Variants in YWHAB observed in about 807,000 individuals in gnomAD.
YWHAB encodes the protein 14-3-3 protein beta/alpha.
In YWHAB, 2 loss-of-function variants were observed where a neutral mutation model predicts 28.5. The ratio of observed to expected loss-of-function variants is 0.07; its 90% CI spans 0.03 to 0.22. YWHAB has a LOEUF of 0.22. Among genes scored for constraint, YWHAB ranks in the 10% least tolerant of loss-of-function variants. The pLI, the probability that YWHAB is intolerant of heterozygous loss-of-function variation, is 1.00. For missense variants in YWHAB, 148 were observed against 297.1 expected, an observed-to-expected ratio of 0.50 and a Z score of 3.69; for synonymous variants, 103 against 104.7, an observed-to-expected ratio of 0.98 and a Z score of 0.10.
At chr20:44,892,670 CTTT>C (rs1303903697) in intron 1 of YWHAB, among the ~76,000 whole-genome samples, 1 of 152,070 alleles carries the variant, frequency 6.6e-6, no homozygotes, top group African/African-American at 2.4e-5. Flanking sequence ...GCTTATGAGC[CTTT>C]ACTCTAACCA....
chr20:44,894,928 T>C (rs1220043367), intron 1 of YWHAB, among the ~76,000 whole-genome samples: 2 of 152,244 alleles, frequency 1.3e-5, no homozygotes, highest in Non-Finnish European at 2.9e-5. Flanking sequence ...GTAGAAAAAC[T>C]TGATATTCAT....
At chr20:44,903,677 T>C (rs972817877) in intron 2 of YWHAB, 15 of 201,550 alleles carry the variant, frequency 7.4e-5, no homozygotes, top group Non-Finnish European at 1.4e-4. Context: ...CTGCTTTTTT[T>C]CCACTCAGAT....
chr20:44,895,499 G>T (rs953839399), intron 1 of YWHAB, among the ~76,000 whole-genome samples: 3 of 152,150 alleles, frequency 2.0e-5, no homozygotes, highest in East Asian at 1.9e-4. Context: ...TTGAGACAGG[G>T]TGTCTGTCAC....
chr20:44,906,356 T>C (rs1358620003), intron 5 of YWHAB, 26 bp from the exon 6 acceptor site: 2 of 1,612,638 alleles, frequency 1.2e-6, no homozygotes, highest in East Asian at 4.5e-5. Flanking sequence ...TAGCCCTGCT[T>C]TGATTATACT....
chr20:44,903,089 C>A (rs188026722), intron 2 of YWHAB: 2 of 986,386 alleles, frequency 2.0e-6, no homozygotes, highest in South Asian at 4.7e-5. Context: ...GCTCTGTATA[C>A]GAAGCTTGGA....
intron 2 of YWHAB, chr20:44,903,108 G>C: frequency 1.0e-6 from 1 of 986,074 alleles, no homozygotes. Context: ...GACTCCTTCA[G>C]AACTACTTTT....
chr20:44,886,766 C>G (rs2145520072), intron 1 of YWHAB: 1 of 152,284 alleles, frequency 6.6e-6, no homozygotes, highest in East Asian at 1.9e-4. Flanking sequence ...TGGAGAACTC[C>G]CATATAATGG....
intron 2 of YWHAB, chr20:44,902,983 G>A (rs940151740): frequency 1.1e-6 from 1 of 916,664 alleles, no homozygotes. Context: ...CAACTTTTAA[G>A]AGCATCTGAA....
intron 1 of YWHAB, chr20:44,887,098 A>G (rs1169740548): frequency 6.6e-6 from 1 of 152,226 alleles, no homozygotes; most frequent in Non-Finnish European, 1.5e-5. Flanking sequence ...TTTCATTTGG[A>G]AATGTGTATA....
At chr20:44,887,007 G>C (rs2066532172) in intron 1 of YWHAB, 1 of 152,204 alleles carries the variant, frequency 6.6e-6, no homozygotes, top group African/African-American at 2.4e-5. Flanking sequence ...TATGAAAATT[G>C]TCTGCATTTC....
In YWHAB at chr20:44,907,602, A is replaced by G. The variant is rs889045504; in HGVS notation, c.*1164A>G. On this transcript the variant is annotated 3_prime_UTR_variant, in exon 6 of 6. Coordinates refer to ENST00000353703, the MANE Select transcript of YWHAB (RefSeq NM_139323.4). Reference sequence around the variant, plus strand: ...TTCCCACCATCCTTTTTGACTGTTGACCTTGGTTTTCTCTTCTAAGTTTCT... The same window carrying G: ...TTCCCACCATCCTTTTTGACTGTTGGCCTTGGTTTTCTCTTCTAAGTTTCT... 1.5e-4 allele frequency: 23 copies of G among 152,110 alleles called. No individual in the cohort carries two copies. Among genetic ancestry groups the G allele is most frequent in the African/African-American group, 5.3e-4 (22 of 41,400 alleles). The allele number at this position is 152,110 out of a possible 1,614,324, so 9.4% of individuals were successfully genotyped here.
At chr20:44,899,872 G>T (rs969945952) in intron 1 of YWHAB, among the ~76,000 whole-genome samples, 1 of 152,132 alleles carries the variant, frequency 6.6e-6, no homozygotes, top group African/African-American at 2.4e-5. Context: ...ATTCAGTTAT[G>T]GTTTCAAGTT....
intron 1 of YWHAB, among the ~76,000 whole-genome samples, chr20:44,893,411 C>A (rs2066575324): frequency 6.6e-6 from 1 of 151,564 alleles, no homozygotes. Flanking sequence ...GAAATAGTAC[C>A]CAATTTTTAA....
At chr20:44,886,395 GA>G (rs1251079025) in intron 1 of YWHAB, 2 of 152,206 alleles carry the variant, frequency 1.3e-5, no homozygotes, top group Non-Finnish European at 2.9e-5. Flanking sequence ...AGCAGTGGGG[GA>G]ACCCCCTCCC....
Position 44,906,373 on chromosome 20 carries a change from C to T in YWHAB, c.685-9C>T, listed in dbSNP as rs779524963. On this transcript the variant is annotated splice_polypyrimidine_tract_variant and intron_variant, in intron 5 of 5. Coordinates refer to ENST00000353703, the MANE Select transcript of YWHAB (RefSeq NM_139323.4). Reference sequence around the variant, plus strand: ...GCCCTGCTTTGATTATACTTCCTTTCTCTTGCAGCTGTGGACATCGGAAAA... The same window carrying T: ...GCCCTGCTTTGATTATACTTCCTTTTTCTTGCAGCTGTGGACATCGGAAAA... 3 of 1,612,876 alleles carry T rather than the reference C, an allele frequency of 1.9e-6. No individual in the cohort carries two copies. The highest frequency in any genetic ancestry group is 2.5e-6 in the Non-Finnish European group (3 of 1,179,886).
At chr20:44,904,146 C>G (rs1387860360) in intron 3 of YWHAB, 30 bp downstream of exon 3, 13 of 1,609,956 alleles carry the variant, frequency 8.1e-6, no homozygotes, top group Non-Finnish European at 1.0e-5. Context: ...AGAAATTCGA[C>G]CAGTAATGGA....
intron 1 of YWHAB, among the ~76,000 whole-genome samples, chr20:44,890,787 G>A (rs374179736): frequency 1.3e-5 from 2 of 152,200 alleles, no homozygotes; most frequent in African/African-American, 4.8e-5. Flanking sequence ...GGGATTACAG[G>A]CGTGAGCCAC....
At chr20:44,906,135 A>G (rs542237358) in intron 5 of YWHAB, 39 bp downstream of exon 5, 14 of 1,474,456 alleles carry the variant, frequency 9.5e-6, no homozygotes, top group East Asian at 2.3e-5. Flanking sequence ...TCTCTTTCCT[A>G]TTCACCTACT....
Position 44,885,773 on chromosome 20 carries a change from T to TGCA in YWHAB, c.-114_-112dup, listed in dbSNP as rs2145518637. On this transcript the variant is annotated 5_prime_UTR_variant, in exon 1 of 6. Transcript: ENST00000353703. Reference sequence around the variant, plus strand: ...GGGTAGTCGCCGCCGCCGCCGCCGCTGCAGCCACTGCAGGCACCGCTGCCG... The same window carrying TGCA: ...GGGTAGTCGCCGCCGCCGCCGCCGCTGCAGCAGCCACTGCAGGCACCGCTGCCG... 1.2e-5 allele frequency: 2 copies of TGCA among 170,642 alleles called. No homozygotes were observed. Among genetic ancestry groups the TGCA allele is most frequent in the Non-Finnish European group, 2.4e-5 (2 of 83,574 alleles). 10.6% of individuals were successfully genotyped at this position (170,642 alleles called of 1,614,324 possible). A position where few individuals can be genotyped will look rare whatever the true frequency, so the allele number is the denominator to read the frequency against.
Sources: allele counts gnomAD v4.1 joint callset (sites outside exome capture counted in the v4.1 genomes callset), GRCh38; gene constraint gnomAD v4.1.1; transcripts MANE v1.5; gene names NCBI Gene and HGNC (gene_info 2026-07-23, HGNC 2026-07-21).